BMP7: variants seen among roughly 807,000 people sequenced by gnomAD.
BMP7 encodes the protein bone morphogenetic protein 7, also known as osteogenic protein 1.
BMP7 carries 12 observed loss-of-function variants against 41.2 expected under a neutral mutation model. The observed-to-expected ratio is 0.29, with a 90% CI of 0.19 to 0.47. The LOEUF (loss-of-function observed/expected upper bound fraction) is 0.47, where lower values mean the gene tolerates loss of function less well. Ranked by LOEUF, BMP7 falls within the 20% of genes least tolerant of loss-of-function variation. BMP7 has a pLI of 0.99. For synonymous variants in BMP7, 248 were observed against 250.0 expected (o/e 0.99, Z 0.07); for missense variants, 467 against 606.0 (o/e 0.77, Z 2.41).
intron 2 of BMP7, among the ~76,000 whole-genome samples, chr20:57,209,964 C>G (rs772520125): frequency 1.4e-4 from 21 of 152,282 alleles, no homozygotes; most frequent in Admixed American, 2.6e-4. Context: ...CATCTTCTTT[C>G]CTGGGTTTGG....
At chr20:57,262,632 C>T (rs1306852648) in intron 1 of BMP7, among the ~76,000 whole-genome samples, 1 of 152,298 alleles carries the variant, frequency 6.6e-6, no homozygotes, top group South Asian at 2.1e-4. Context: ...AGGGTCCCCC[C>T]TCCCGCGCAC....
rs980184645 is a variant in BMP7 at position 57,266,057 on chromosome 20, G to C, written c.66C>G (p.Phe22Leu). The C allele has an allele frequency of 3.9e-6, 6 of 1,541,562 alleles. No homozygotes were observed. The highest frequency in any genetic ancestry group is 1.2e-5 in the South Asian group (1 of 84,042). Residue 22 changes from phenylalanine to leucine, a missense_variant, in exon 1 of 7, where the codon TTC (phenylalanine) becomes TTG (leucine). Physicochemically the swap from Phe to Leu is conservative, Grantham distance 22. Transcript: ENST00000395863. Reference protein sequence around the residue: ...HSFVALWAPLFLLRSALADFS... With the variant: ...HSFVALWAPLLLLRSALADFS... Reference sequence around the variant, plus strand: ...AGTCGGCCAGGGCGGAGCGCAGCAGGAACAGGGGTGCCCAGAGCGCCACGA... The same window carrying C: ...AGTCGGCCAGGGCGGAGCGCAGCAGCAACAGGGGTGCCCAGAGCGCCACGA...
chr20:57,202,387 T>C, intron 3 of BMP7, 88 bp downstream of exon 3: 1 of 1,531,246 alleles, frequency 6.5e-7, no homozygotes, highest in Non-Finnish European at 8.8e-7. Flanking sequence ...AGCCTGTTTG[T>C]AGTGAAGCAA....
intron 4 of BMP7, among the ~76,000 whole-genome samples, chr20:57,175,858 C>T (rs1983912321): frequency 6.6e-6 from 1 of 152,158 alleles, no homozygotes; most frequent in Non-Finnish European, 1.5e-5. Context: ...TGTGCTCTGA[C>T]AACTGATTGA....
chr20:57,247,773 C>T (rs1197223086), intron 1 of BMP7, among the ~76,000 whole-genome samples: 1 of 152,140 alleles, frequency 6.6e-6, no homozygotes, highest in Non-Finnish European at 1.5e-5. Context: ...GTTCATCCTC[C>T]ACTCAGGGGA....
At chr20:57,187,652 C>T (rs1984247958) in intron 3 of BMP7, among the ~76,000 whole-genome samples, 1 of 151,850 alleles carries the variant, frequency 6.6e-6, no homozygotes. Flanking sequence ...CACAGGTGAC[C>T]ATGTTTCCAA....
intron 1 of BMP7, among the ~76,000 whole-genome samples, chr20:57,250,978 C>T (rs528374898): frequency 1.2e-4 from 18 of 152,358 alleles, no homozygotes; most frequent in Middle Eastern, 6.8e-3. Context: ...GGAGACACGG[C>T]TTGGGGGCCA....
chr20:57,183,601 A>C, intron 4 of BMP7, 121 bp downstream of exon 4: 1 of 1,312,540 alleles, frequency 7.6e-7, no homozygotes, highest in Non-Finnish European at 1.1e-6. Context: ...TTCCTGCTAT[A>C]TTTGTTCCAG....
At chr20:57,257,453 AG>A (rs1329651665) in intron 1 of BMP7, among the ~76,000 whole-genome samples, 5 of 152,204 alleles carry the variant, frequency 3.3e-5, no homozygotes, top group African/African-American at 1.2e-4. Flanking sequence ...ATGATTCATT[AG>A]TTAAAATTTG....
intron 1 of BMP7, among the ~76,000 whole-genome samples, chr20:57,251,396 A>G (rs905864323): frequency 1.2e-4 from 18 of 152,168 alleles, no homozygotes; most frequent in Non-Finnish European, 1.9e-4. Flanking sequence ...GAATTTTTTC[A>G]AAAACACAGG....
Position 57,171,820 on chromosome 20 carries a change from C to T in BMP7, c.1147-712G>A, listed in dbSNP as rs1239773240. On this transcript the variant is annotated intron_variant, in intron 6 of 6. Coordinates refer to ENST00000395863, the MANE Select transcript of BMP7 (RefSeq NM_001719.3). This position sits in a 1 kb window ranked among gnomAD's most constrained non-coding sequence, Gnocchi z 4.5. ...TCCAGGCTGTGACTGCTGACATAGGCCAGCATGCTTTTTACACATTTTATG... is the reference window on the plus strand; with the variant it reads ...TCCAGGCTGTGACTGCTGACATAGGTCAGCATGCTTTTTACACATTTTATG... Among the ~76,000 whole-genome samples the T allele has an allele frequency of 6.6e-6, 1 of 152,208 alleles. No individual in the cohort carries two copies. Among genetic ancestry groups the T allele is most frequent in the African/African-American group, 2.4e-5 (1 of 41,446 alleles).
intron 3 of BMP7, among the ~76,000 whole-genome samples, chr20:57,199,552 G>A (rs1984575698): frequency 6.6e-6 from 1 of 152,164 alleles, no homozygotes; most frequent in South Asian, 2.1e-4. Context: ...ATCCCCCACG[G>A]TGGGTCTGAA....
At chr20:57,216,159 C>G (rs563808682) in intron 2 of BMP7, among the ~76,000 whole-genome samples, 29 of 152,226 alleles carry the variant, frequency 1.9e-4, no homozygotes, top group African/African-American at 6.5e-4. Flanking sequence ...AGGGGGCAGG[C>G]TGAGGACATC....
intron 2 of BMP7, among the ~76,000 whole-genome samples, chr20:57,211,758 G>A (rs1984889992): frequency 1.3e-5 from 2 of 152,264 alleles, no homozygotes; most frequent in African/African-American, 4.8e-5. Context: ...GCCAAGAAAG[G>A]GGGCTCTGTC....
intron 2 of BMP7, among the ~76,000 whole-genome samples, chr20:57,206,962 T>C (rs1198861810): frequency 2.0e-5 from 3 of 152,232 alleles, no homozygotes; most frequent in African/African-American, 4.8e-5. Context: ...AAAAGTGTCC[T>C]ATGTTCACAG....
intron 4 of BMP7, among the ~76,000 whole-genome samples, chr20:57,182,154 C>T (rs927836): frequency 0.87 from 133,017 of 152,186 alleles, 60,331 homozygotes; most frequent in East Asian, 0.99. Flanking sequence ...GTTCATTATT[C>T]GAAGCTTTGG....
intron 1 of BMP7, among the ~76,000 whole-genome samples, chr20:57,255,799 C>CAAA (rs3067106): frequency 0.19 from 9,127 of 48,600 alleles, 1,324 homozygotes; most frequent in African/African-American, 0.2. Context: ...GACTCCATCT[C>CAAA]AAAAAAAAAA....
chr20:57,265,907 G>GAGGTGC lies in BMP7; in HGVS notation c.210_215dup (p.His71_Leu72dup). On this transcript the variant is annotated inframe_insertion, in exon 1 of 7. Transcript: ENST00000395863. ...TGGGTGCCGAGTTGTGCTTGCCCTG[G>GAGGTGC]AGGTGCGGGCGCGGGCGGTGGGGCA... 5.0e-6 allele frequency: 8 copies of GAGGTGC among 1,585,748 alleles called. No individual in the cohort carries two copies. Among genetic ancestry groups the GAGGTGC allele is most frequent in the Non-Finnish European group, 6.9e-6 (8 of 1,165,694 alleles).
chr20:57,235,563 C>T (rs2066044307), intron 1 of BMP7, among the ~76,000 whole-genome samples: 1 of 152,136 alleles, frequency 6.6e-6, no homozygotes, highest in African/African-American at 2.4e-5. Context: ...GGCAGCTCTG[C>T]AGGTGAGGGT....
Sources: gnomAD v4.1 joint callset for allele counts (sites outside exome capture counted in the v4.1 genomes callset) on GRCh38, gnomAD v4.1.1 for gene constraint, Gnocchi (gnomAD v3.1) non-coding constraint, MANE v1.5 for transcripts, NCBI Gene and HGNC (gene_info 2026-07-23, HGNC 2026-07-21) for gene names.